Variants in CHRM3 observed in about 807,000 individuals in gnomAD.
The protein encoded by CHRM3 is cholinergic receptor muscarinic 3.
In CHRM3, 11 loss-of-function variants were observed where a neutral mutation model predicts 41.8. That is an observed-to-expected ratio of 0.26 (90% confidence interval 0.17 to 0.44). CHRM3 has a LOEUF of 0.44. Ranked by LOEUF, CHRM3 falls within the 20% of genes least tolerant of loss-of-function variation. CHRM3 has a pLI of 1.00. For synonymous variants in CHRM3, 297 were observed against 301.4 expected, an observed-to-expected ratio of 0.99 and a Z score of 0.15; for missense variants, 571 against 745.4, an observed-to-expected ratio of 0.77 and a Z score of 2.72.
intron 1 of CHRM3, among the ~76,000 whole-genome samples, chr1:239,490,054 T>G (rs1405113207): frequency 6.6e-6 from 1 of 152,150 alleles, no homozygotes; most frequent in Non-Finnish European, 1.5e-5. Context: ...ATGAAAATAA[T>G]TGTATCGTAG....
intron 1 of CHRM3, among the ~76,000 whole-genome samples, chr1:239,470,180 A>G (rs768408505): frequency 2.7e-4 from 41 of 152,146 alleles, no homozygotes; most frequent in Non-Finnish European, 5.9e-4. Flanking sequence ...CCCAGAGGAG[A>G]ACACAGAGGA....
At chr1:239,392,232 T>C (rs1659099447) in intron 1 of CHRM3, among the ~76,000 whole-genome samples, 1 of 152,174 alleles carries the variant, frequency 6.6e-6, no homozygotes, top group African/African-American at 2.4e-5. Flanking sequence ...CAGTGCATCA[T>C]TTCCGCCTGA....
intron 6 of CHRM3, among the ~76,000 whole-genome samples, chr1:239,903,586 G>T (rs1679744181): frequency 6.6e-6 from 1 of 152,174 alleles, no homozygotes; most frequent in Non-Finnish European, 1.5e-5. Context: ...GAAAGGCAAG[G>T]TCAAGGAGGT....
chr1:239,579,398 TTTTAG>T (rs1312034109), intron 3 of CHRM3, among the ~76,000 whole-genome samples: 1 of 152,218 alleles, frequency 6.6e-6, no homozygotes, highest in Non-Finnish European at 1.5e-5. Flanking sequence ...ATGGCATTGC[TTTTAG>T]AAAACTGTAA....
chr1:239,848,336 T>C (rs1674438651), intron 6 of CHRM3, among the ~76,000 whole-genome samples: 1 of 152,192 alleles, frequency 6.6e-6, no homozygotes, highest in Admixed American at 6.6e-5. Flanking sequence ...GCTCAGTCTT[T>C]TGTTCTGATA....
chr1:239,903,463 A>G (rs1412718340), intron 6 of CHRM3, among the ~76,000 whole-genome samples: 2 of 152,188 alleles, frequency 1.3e-5, no homozygotes, highest in Admixed American at 6.5e-5. Context: ...AGCACCAGTC[A>G]CCATAATCTA....
chr1:239,525,565 T>C (rs1669939804), intron 2 of CHRM3, among the ~76,000 whole-genome samples: 1 of 152,188 alleles, frequency 6.6e-6, no homozygotes, highest in African/African-American at 2.4e-5. Context: ...AGTTGAACAA[T>C]ACAAATTATA....
At chr1:239,682,077 A>T (rs1658623971) in intron 5 of CHRM3, among the ~76,000 whole-genome samples, 1 of 152,196 alleles carries the variant, frequency 6.6e-6, no homozygotes, top group Non-Finnish European at 1.5e-5. Flanking sequence ...CTTCCTCTTA[A>T]ATATTTATTT....
chr1:239,507,259 T>C (rs1031586250), intron 2 of CHRM3, among the ~76,000 whole-genome samples: 1 of 152,180 alleles, frequency 6.6e-6, no homozygotes, highest in Non-Finnish European at 1.5e-5. Context: ...TCCCATGTGT[T>C]GTGGGAGGGA....
chr1:239,884,913 A>G (rs921301422), intron 6 of CHRM3, among the ~76,000 whole-genome samples: 1 of 152,016 alleles, frequency 6.6e-6, no homozygotes, highest in Non-Finnish European at 1.5e-5. Flanking sequence ...AATATGGTTC[A>G]CTCCCACCAA....
At chr1:239,734,747 A>G (rs1421054783) in intron 5 of CHRM3, among the ~76,000 whole-genome samples, 1 of 152,090 alleles carries the variant, frequency 6.6e-6, no homozygotes, top group Non-Finnish European at 1.5e-5. Flanking sequence ...GTCTTTTACC[A>G]ACATATACTG....
At chr1:239,602,090 A>ATG (rs1553337601) in intron 3 of CHRM3, among the ~76,000 whole-genome samples, 4,045 of 131,154 alleles carry the variant, frequency 0.031, 217 homozygotes, top group African/African-American at 0.11. Flanking sequence ...ACATATATAC[A>ATG]TGTGTGTGTG....
chr1:239,722,070 AT>A (rs1432498318), intron 5 of CHRM3, among the ~76,000 whole-genome samples: 4 of 151,958 alleles, frequency 2.6e-5, no homozygotes, highest in African/African-American at 4.8e-5. Context: ...TGGGACAGGC[AT>A]TTAGATACAA....
chr1:239,772,841 C>T (rs1384241329), intron 5 of CHRM3, among the ~76,000 whole-genome samples: 1 of 152,198 alleles, frequency 6.6e-6, no homozygotes, highest in African/African-American at 2.4e-5. Context: ...TCATGTCTTT[C>T]CTGTCCCCTA....
intron 6 of CHRM3, among the ~76,000 whole-genome samples, chr1:239,905,667 C>T (rs543659076): frequency 2.6e-5 from 4 of 152,260 alleles, no homozygotes; most frequent in African/African-American, 7.2e-5. Flanking sequence ...GATCACACCC[C>T]TGCACTCCAG....
At chr1:239,695,462 T>A (rs922620539) in intron 5 of CHRM3, among the ~76,000 whole-genome samples, 1 of 152,188 alleles carries the variant, frequency 6.6e-6, no homozygotes, top group South Asian at 2.1e-4. Flanking sequence ...CACATTGATA[T>A]TACTTGCATA....
intron 1 of CHRM3, among the ~76,000 whole-genome samples, chr1:239,463,121 G>GT (rs1194714893): frequency 6.6e-6 from 1 of 152,132 alleles, no homozygotes; most frequent in East Asian, 1.9e-4. Context: ...CCTTATAATG[G>GT]TTTTGAGGAT....
At chr1:239,465,970 T>A (rs1019683213) in intron 1 of CHRM3, among the ~76,000 whole-genome samples, 2 of 152,120 alleles carry the variant, frequency 1.3e-5, no homozygotes, top group Non-Finnish European at 2.9e-5. Flanking sequence ...AAAACGTTTA[T>A]GATGATCCAT....
At chr1:239,677,016 ATC>A (rs1347127562) in intron 4 of CHRM3, among the ~76,000 whole-genome samples, 1 of 151,824 alleles carries the variant, frequency 6.6e-6, no homozygotes. Context: ...TGACGGCTAG[ATC>A]TCTTTCTCCT....
Sources: allele counts gnomAD v4.1 joint callset (sites outside exome capture counted in the v4.1 genomes callset), GRCh38; gene constraint gnomAD v4.1.1; transcripts MANE v1.5; gene names NCBI Gene and HGNC (gene_info 2026-07-23, HGNC 2026-07-21).